Variants in KDM6A observed in about 807,000 individuals in gnomAD.
The protein encoded by KDM6A is lysine-specific demethylase 6A.
A neutral mutation model predicts 117.6 loss-of-function variants in KDM6A; 11 were observed. The ratio of observed to expected loss-of-function variants is 0.09; its 90% CI spans 0.06 to 0.15. KDM6A has a LOEUF of 0.15. KDM6A is among the 10% of genes least tolerant of loss of function. The pLI is 1.00. For synonymous variants in KDM6A, 384 were observed against 396.1 expected, an observed-to-expected ratio of 0.97 and a Z score of 0.36; for missense variants, 799 against 1,077.3, an observed-to-expected ratio of 0.74 and a Z score of 3.62.
At chrX:44,897,377 G>A (rs1238593550) in intron 2 of KDM6A, among the ~76,000 whole-genome samples, 1 of 108,183 alleles carries the variant, frequency 9.2e-6, no homozygotes, top group East Asian at 2.9e-4. Context: ...GCTTGTTGAA[G>A]CGTTTTGTTG....
intron 17 of KDM6A, among the ~76,000 whole-genome samples, chrX:45,068,066 C>CTAGGA (rs911451866): frequency 6.3e-5 from 7 of 111,693 alleles, no homozygotes; most frequent in African/African-American, 2.3e-4. Flanking sequence ...TGCTAGCTGA[C>CTAGGA]TTTAACTAGA....
intron 28 of KDM6A, among the ~76,000 whole-genome samples, chrX:45,109,136 AAT>A (rs1491562941): frequency 1.7e-4 from 17 of 102,612 alleles, no homozygotes; most frequent in South Asian, 8.4e-4. Context: ...AAATAATAAT[AAT>A]AATAAATAAA....
At chrX:45,082,389 G>A (rs915889661) in intron 21 of KDM6A, 187 bp from the exon 22 acceptor site, 24 of 421,365 alleles carry the variant, frequency 5.7e-5, no homozygotes, top group Admixed American at 5.4e-4. Flanking sequence ...AGCCGGGGTC[G>A]CACCACTGCA....
chrX:45,095,139 C>T (rs747070264), intron 27 of KDM6A, among the ~76,000 whole-genome samples: 20 of 111,193 alleles, frequency 1.8e-4, no homozygotes, highest in African/African-American at 6.2e-4. Flanking sequence ...GTTAATAAAT[C>T]GGGCTCAGTA....
chrX:44,963,747 A>G (rs766137629), intron 3 of KDM6A, among the ~76,000 whole-genome samples: 15 of 109,718 alleles, frequency 1.4e-4, no homozygotes, highest in Non-Finnish European at 2.7e-4. Context: ...TTAGACCTCA[A>G]ATGTTCTTGT....
chrX:44,987,451 T>C (rs1219932184), intron 4 of KDM6A, among the ~76,000 whole-genome samples: 1 of 111,554 alleles, frequency 9.0e-6, no homozygotes, highest in African/African-American at 3.3e-5. Flanking sequence ...CCTGTCATTA[T>C]GATGTTAGCT....
intron 2 of KDM6A, among the ~76,000 whole-genome samples, chrX:44,926,775 C>T (rs1383548595): frequency 9.0e-6 from 1 of 111,467 alleles, no homozygotes; most frequent in Non-Finnish European, 1.9e-5. Context: ...ATTTGTTCTC[C>T]TACCACCTGT....
At chrX:45,002,851 T>TC (rs1329939302) in intron 4 of KDM6A, among the ~76,000 whole-genome samples, 135 of 63,751 alleles carry the variant, frequency 2.1e-3, no homozygotes, top group Non-Finnish European at 2.5e-3. Context: ...TATAAATTCT[T>TC]CCCCTCCCCG....
chrX:44,933,291 G>A (rs1198631164), intron 2 of KDM6A, among the ~76,000 whole-genome samples: 2 of 82,814 alleles, frequency 2.4e-5, no homozygotes, highest in East Asian at 3.6e-4. Context: ...TTTTTGAGAC[G>A]GAGTCTCACT....
chrX:44,893,075 T>G (rs1237893759), intron 2 of KDM6A, among the ~76,000 whole-genome samples: 1 of 107,759 alleles, frequency 9.3e-6, no homozygotes, highest in African/African-American at 3.4e-5. Context: ...CTTGGTAGGC[T>G]GAGGCAGGAG....
intron 10 of KDM6A, among the ~76,000 whole-genome samples, chrX:45,058,205 G>A (rs2044161216): frequency 9.6e-6 from 1 of 104,089 alleles, no homozygotes; most frequent in Admixed American, 1.1e-4. Flanking sequence ...CATTTTTAAT[G>A]TATCTTCAGT....
chrX:45,108,974 TGGGGGGA>T (rs2046643984), intron 28 of KDM6A, among the ~76,000 whole-genome samples: 1 of 29,643 alleles, frequency 3.4e-5, no homozygotes, highest in African/African-American at 1.5e-4. Flanking sequence ...TGTTGTGGGA[TGGGGGGA>T]GGGGGGAGGG....
intron 2 of KDM6A, among the ~76,000 whole-genome samples, chrX:44,890,956 A>G (rs1408286566): frequency 3.6e-5 from 4 of 109,730 alleles, no homozygotes; most frequent in Non-Finnish European, 7.6e-5. Flanking sequence ...AACATCTTTC[A>G]TGTTCTTATT....
chrX:45,007,075 C>G (rs2041530755), intron 4 of KDM6A, among the ~76,000 whole-genome samples: 1 of 112,103 alleles, frequency 8.9e-6, no homozygotes, highest in African/African-American at 3.3e-5. Context: ...TGAAAGTGGA[C>G]CGGTCAAGAG....
intron 18 of KDM6A, among the ~76,000 whole-genome samples, chrX:45,073,094 T>C (rs2044939987): frequency 9.1e-6 from 1 of 110,013 alleles, no homozygotes; most frequent in Non-Finnish European, 1.9e-5. Context: ...CATTGTTCAG[T>C]TCCTAGCTAT....
intron 4 of KDM6A, among the ~76,000 whole-genome samples, chrX:44,980,229 C>T (rs749151642): frequency 9.0e-6 from 1 of 111,020 alleles, no homozygotes; most frequent in African/African-American, 3.3e-5. Context: ...CTCCTGGCCT[C>T]GTGATCCGCC....
chrX:44,960,281 T>C (rs774687254), intron 2 of KDM6A, among the ~76,000 whole-genome samples: 1 of 111,757 alleles, frequency 8.9e-6, no homozygotes, highest in Non-Finnish European at 1.9e-5. Flanking sequence ...TTTCTTACTT[T>C]AATGACTCTG....
intron 2 of KDM6A, among the ~76,000 whole-genome samples, chrX:44,877,383 G>GTT (rs199892938): frequency 0.35 from 38,531 of 110,174 alleles, 7,453 homozygotes; most frequent in African/African-American, 0.74. Flanking sequence ...ATCTTGAACA[G>GTT]TGCTCTTGAA....
At chrX:45,079,378 T>C (rs2045283886) in intron 21 of KDM6A, 27 bp downstream of exon 21, 1 of 1,079,189 alleles carries the variant, frequency 9.3e-7, no homozygotes, top group African/African-American at 1.8e-5. Flanking sequence ...TAAAGATTAT[T>C]TTAGGATTTT....
Sources: allele counts gnomAD v4.1 joint callset (sites outside exome capture counted in the v4.1 genomes callset), GRCh38; gene constraint gnomAD v4.1.1; transcripts MANE v1.5; gene names NCBI Gene and HGNC (gene_info 2026-07-23, HGNC 2026-07-21).